Variants in CDIP1 observed in about 807,000 individuals in gnomAD.
CDIP1 encodes the protein cell death inducing p53 target 1, also known as cell death-inducing p53-target protein 1.
Under a neutral mutation model 17.7 loss-of-function variants are expected in CDIP1, and 9 were observed. The observed-to-expected ratio is 0.51, with a 90% CI of 0.31 to 0.89. The LOEUF is 0.89. CDIP1 is among the 40% of genes least tolerant of loss of function. The pLI, the probability that CDIP1 is intolerant of heterozygous loss-of-function variation, is 0.05. For synonymous variants in CDIP1, 117 were observed against 109.5 expected, an observed-to-expected ratio of 1.07 and a Z score of -0.43; for missense variants, 263 against 277.9, an observed-to-expected ratio of 0.95 and a Z score of 0.38.
At chr16:4,531,090 G>A (rs531171312) in intron 1 of CDIP1, among the ~76,000 whole-genome samples, 4 of 151,984 alleles carry the variant, frequency 2.6e-5, no homozygotes, top group East Asian at 1.9e-4. Context: ...GTGCAGTGGC[G>A]TGATCTCGGC....
intron 1 of CDIP1, among the ~76,000 whole-genome samples, chr16:4,528,568 G>C (rs1393406713): frequency 1.3e-5 from 2 of 149,824 alleles, no homozygotes; most frequent in Non-Finnish European, 3.0e-5. Context: ...TATAATCCCA[G>C]TTACTTGGGG....
intron 1 of CDIP1, among the ~76,000 whole-genome samples, chr16:4,527,725 CACT>C (rs1002905124): frequency 1.7e-4 from 26 of 152,258 alleles, no homozygotes; most frequent in African/African-American, 5.1e-4. Context: ...TTATATGCAC[CACT>C]GTCTTGATGT....
rs1210932720 is a variant in CDIP1 at position 4,510,800 on chromosome 16, C to T, written c.*1772G>A. The stretch of plus-strand genomic sequence containing the variant: ...GTAGGGAAACTCTTTAAACTACTGA[C>T]CAAGACTGCCACCTTCATAATTCAG... On this transcript the variant is annotated 3_prime_UTR_variant, in exon 6 of 6. Coordinates refer to ENST00000567695, the MANE Select transcript of CDIP1 (RefSeq NM_013399.3). The T allele has an allele frequency of 6.6e-6, 1 of 152,194 alleles. No individual in the cohort carries two copies. Among genetic ancestry groups the T allele is most frequent in the East Asian group, 1.9e-4 (1 of 5,202 alleles). The allele number at this position is 152,194 out of a possible 1,614,324, so 9.4% of individuals were successfully genotyped here. A position where few individuals can be genotyped will look rare whatever the true frequency, so the allele number is the denominator to read the frequency against.
chr16:4,518,654 T>A (rs1253146621), intron 1 of CDIP1, among the ~76,000 whole-genome samples: 1 of 152,202 alleles, frequency 6.6e-6, no homozygotes, highest in Non-Finnish European at 1.5e-5. Flanking sequence ...AAACAGCTCA[T>A]GAAGATTTCC....
chr16:4,510,857 G>A lies in CDIP1; in HGVS notation c.*1715C>T, dbSNP rs2058819925. On this transcript the variant is annotated 3_prime_UTR_variant, in exon 6 of 6. Transcript: ENST00000567695. ...TAGTGCAGAGATGGCCAGGGCCAGA[G>A]GTCGCCCAGAACCTGCGTGTGCAGA... 6.6e-6 allele frequency: 1 copy of A among 152,264 alleles called. No homozygotes were observed. The allele number at this position is 152,264 out of a possible 1,614,324, so 9.4% of individuals were successfully genotyped here.
At chr16:4,518,100 G>A (rs2058906840) in intron 1 of CDIP1, among the ~76,000 whole-genome samples, 1 of 152,176 alleles carries the variant, frequency 6.6e-6, no homozygotes, top group African/African-American at 2.4e-5. Context: ...GCTGCACTGT[G>A]CTTGGTGAGT....
intron 1 of CDIP1, among the ~76,000 whole-genome samples, chr16:4,526,309 G>A (rs912506140): frequency 4.6e-5 from 7 of 152,158 alleles, no homozygotes; most frequent in Non-Finnish European, 2.9e-5. Context: ...GGAGGCTGAG[G>A]CAGGAGAATT....
intron 1 of CDIP1, chr16:4,524,059 A>G (rs2058976606): frequency 6.6e-6 from 1 of 152,192 alleles, no homozygotes; most frequent in Non-Finnish European, 1.5e-5. Context: ...TTGACTGTCA[A>G]TAGAATATTG....
chr16:4,520,240 G>A (rs1271482000), intron 1 of CDIP1, among the ~76,000 whole-genome samples: 3 of 151,982 alleles, frequency 2.0e-5, no homozygotes, highest in African/African-American at 7.3e-5. Context: ...GCCTCCTGAG[G>A]AGCTGGGACT....
intron 1 of CDIP1, chr16:4,536,694 T>C (rs1217847154): frequency 1.4e-5 from 2 of 141,508 alleles, no homozygotes. Context: ...CCCAGCACTT[T>C]GGGAGGGTGA....
At chr16:4,525,206 T>C (rs2058987538) in intron 1 of CDIP1, among the ~76,000 whole-genome samples, 1 of 152,142 alleles carries the variant, frequency 6.6e-6, no homozygotes, top group Non-Finnish European at 1.5e-5. Flanking sequence ...TTAGGTCACA[T>C]GACACAGCCT....
In CDIP1 at chr16:4,510,934, T is replaced by G. The variant is rs754204655; in HGVS notation, c.*1638A>C. 6.6e-6 allele frequency: 1 copy of G among 152,228 alleles called. No homozygotes were observed. The highest frequency in any genetic ancestry group is 6.5e-5 in the Admixed American group (1 of 15,282). The allele number at this position is 152,228 out of a possible 1,614,324, so 9.4% of individuals were successfully genotyped here. On this transcript the variant is annotated 3_prime_UTR_variant, in exon 6 of 6. Transcript: ENST00000567695. ...CAGCCTCAGCCCAGTCTGTGTTGCT[T>G]AAGGGTGCGCCTCCCCAGGGCTGGA...
chr16:4,517,314 T>G (rs2058898238), intron 1 of CDIP1, among the ~76,000 whole-genome samples: 1 of 152,122 alleles, frequency 6.6e-6, no homozygotes, highest in Non-Finnish European at 1.5e-5. Context: ...CTCTTCTGAG[T>G]TGCCTTATTA....
chr16:4,519,409 C>T (rs1436604040), intron 1 of CDIP1, among the ~76,000 whole-genome samples: 1 of 147,830 alleles, frequency 6.8e-6, no homozygotes, highest in Non-Finnish European at 1.5e-5. Flanking sequence ...CTGCCCCCCA[C>T]TTCTGATCAT....
intron 1 of CDIP1, among the ~76,000 whole-genome samples, chr16:4,525,304 G>A (rs756293346): frequency 1.3e-5 from 2 of 152,186 alleles, no homozygotes; most frequent in Non-Finnish European, 1.5e-5. Flanking sequence ...GGCCCCGAGA[G>A]AAGTGCAGCT....
At chr16:4,519,673 A>G (rs1368630905) in intron 1 of CDIP1, among the ~76,000 whole-genome samples, 1 of 152,144 alleles carries the variant, frequency 6.6e-6, no homozygotes, top group African/African-American at 2.4e-5. Context: ...TGGGAGGTGG[A>G]TTCCTCATGA....
chr16:4,537,625 G>T (rs2059122436), intron 1 of CDIP1, among the ~76,000 whole-genome samples: 1 of 152,222 alleles, frequency 6.6e-6, no homozygotes, highest in Admixed American at 6.5e-5. Flanking sequence ...CTGCGCCCGG[G>T]AATGATCTGG....
intron 1 of CDIP1, among the ~76,000 whole-genome samples, chr16:4,521,199 T>G (rs2058943902): frequency 6.6e-6 from 1 of 152,058 alleles, no homozygotes; most frequent in African/African-American, 2.4e-5. Context: ...ACAGCTTGTT[T>G]CCGCACTGCT....
chr16:4,514,592 C>A lies in CDIP1; in HGVS notation c.-32G>T. The A allele has an allele frequency of 6.4e-6, 1 of 157,100 alleles. No homozygotes were observed. Among genetic ancestry groups the A allele is most frequent in the Non-Finnish European group, 1.4e-5 (1 of 71,408 alleles). 9.7% of individuals were successfully genotyped at this position (157,100 alleles called of 1,614,324 possible). ...TTTCTTACCTCAAATCCGTGCTACT[C>A]AGAGAAGGGAGGCAGGTGAGGCTCC... On this transcript the variant is annotated 5_prime_UTR_variant, in exon 2 of 6. Transcript: ENST00000567695. The surrounding 1 kb of genome is among the most constrained non-coding windows in gnomAD (Gnocchi z 5.2).
Sources: gnomAD v4.1 joint callset for allele counts (sites outside exome capture counted in the v4.1 genomes callset) on GRCh38, gnomAD v4.1.1 for gene constraint, Gnocchi (gnomAD v3.1) non-coding constraint, MANE v1.5 for transcripts, NCBI Gene and HGNC (gene_info 2026-07-23, HGNC 2026-07-21) for gene names.